The following A2M variants were observed in gnomAD, a reference collection of about 807,000 sequenced individuals.
The protein encoded by A2M is C3 and PZP-like alpha-2-macroglobulin domain-containing protein 5.
A2M carries 128 observed loss-of-function variants against 183.9 expected under a neutral mutation model. That is an observed-to-expected ratio of 0.70 (90% CI 0.60 to 0.81). A2M has a LOEUF of 0.81. Ranked by LOEUF, A2M falls within the 30% of genes least tolerant of loss-of-function variation. The pLI, the probability that A2M is intolerant of heterozygous loss-of-function variation, is 0.00. For synonymous variants in A2M, 592 were observed against 670.8 expected (o/e 0.88, Z 1.81); for missense variants, 1,495 against 1,787.6 (o/e 0.84, Z 2.95).
At chr12:9,079,150 C>G in intron 25 of A2M, 94 bp downstream of exon 25, 1 of 950,802 alleles carries the variant, frequency 1.1e-6, no homozygotes, top group Non-Finnish European at 1.6e-6. Context: ...TCTGATAATA[C>G]ATATCTGATA....
chr12:9,107,630 T>C lies in A2M; in HGVS notation c.773A>G (p.Lys258Arg). The C allele has an allele frequency of 6.2e-7, 1 of 1,613,956 alleles. No homozygotes were observed. Among genetic ancestry groups the C allele is most frequent in the South Asian group, 1.1e-5 (1 of 91,080 alleles). Residue 258 changes from lysine to arginine, a missense_variant, in exon 8 of 36, where the codon AAG (lysine) becomes AGG (arginine). Physicochemically the swap from Lys to Arg is conservative, Grantham distance 26. Transcript: ENST00000318602. ...VSVCGLYTYG[K>R]PVPGHVTVSI... ...CACAGTCACATGTCCAGGGACAGGC[T>C]TCCCATATGTGTATCTGTCATGAGA...
At chr12:9,083,394 AAAG>A (rs915961867) in intron 22 of A2M, among the ~76,000 whole-genome samples, 140 of 152,274 alleles carry the variant, frequency 9.2e-4, no homozygotes, top group African/African-American at 3.3e-3. Flanking sequence ...TATAAAAAAA[AAAG>A]AAATAGAAAC....
In A2M at chr12:9,072,386, G is replaced by A. The variant is rs374966730; in HGVS notation, c.4076C>T (p.Thr1359Ile). The change falls in exon 31 of 36, where the codon ACC (threonine) becomes ATC (isoleucine). Residue 1359 changes from threonine (T) to isoleucine (I), a missense_variant. Transcript: ENST00000318602. ...GACACTTAGGGAGATTTGGAAGCTG[G>A]TGTGGGCTTTGGGTTCATCACAAGT... ...PQTCDEPKAH[T>I]SFQISLSVSY... The A allele has an allele frequency of 1.1e-5, 17 of 1,613,952 alleles. No homozygotes were observed. The highest frequency in any genetic ancestry group is 4.0e-5 in the African/African-American group (3 of 75,042).
Position 9,112,502 on chromosome 12 carries a change from A to T in A2M, c.305T>A (p.Phe102Tyr), listed in dbSNP as rs756879310. The T allele has an allele frequency of 1.9e-6, 3 of 1,613,756 alleles. No individual in the cohort carries two copies. The highest frequency in any genetic ancestry group is 2.7e-5 in the African/African-American group (2 of 75,016). ...PKSSSNEEVM[F>Y]LTVQVKGPTQ... ...TGGTCCTTTCACTTGGACAGTGAGG[A>T]ACATTACCTCCTCATTGGATGAAGA... is the stretch of plus-strand genomic sequence containing the variant. The change falls in exon 3 of 36, where the codon TTC (phenylalanine) becomes TAC (tyrosine). Residue 102 changes from phenylalanine (F) to tyrosine (Y), a missense_variant. Physicochemically the swap from Phe to Tyr is conservative, Grantham distance 22 (BLOSUM62 3). Coordinates refer to ENST00000318602, the MANE Select transcript of A2M (RefSeq NM_000014.6).
chr12:9,079,657 T>A lies in A2M; in HGVS notation c.3013A>T (p.Ile1005Phe), dbSNP rs1317688257. ...CACTCACCAGTGTTGAGATAGCCAA[T>A]GGCCTTGGACTTGATCTCTGGAGTA... ...QLTPEIKSKA[I>F]GYLNTGYQRQ... Residue 1005 changes from isoleucine (I) to phenylalanine (F), a missense_variant, in exon 24 of 36, where the codon ATT becomes TTT. Physicochemically the swap from Ile to Phe is conservative, Grantham distance 21. Coordinates refer to ENST00000318602, the MANE Select transcript of A2M (RefSeq NM_000014.6). 1 of 1,613,350 alleles carries A rather than the reference T, an allele frequency of 6.2e-7. No homozygotes were observed. Among genetic ancestry groups the A allele is most frequent in the African/African-American group, 1.3e-5 (1 of 75,036 alleles).
chr12:9,077,325 G>A (rs371661602), intron 27 of A2M, 21 bp downstream of exon 27: 64 of 1,603,512 alleles, frequency 4.0e-5, no homozygotes, highest in Non-Finnish European at 5.0e-5. Context: ...TCCTTCAGCA[G>A]AGGAATGGGG....
intron 34 of A2M, 68 bp from the exon 35 acceptor site, chr12:9,068,292 G>C (rs1948456819): frequency 2.0e-6 from 3 of 1,516,950 alleles, no homozygotes; most frequent in Admixed American, 1.8e-5. Flanking sequence ...GCAAACATCT[G>C]TGGGATACAG....
At chr12:9,107,332 C>T (rs746066999) in intron 8 of A2M, among the ~76,000 whole-genome samples, 192 bp downstream of exon 8, 5 of 152,298 alleles carry the variant, frequency 3.3e-5, no homozygotes, top group African/African-American at 1.2e-4. Flanking sequence ...CTGAAACACT[C>T]ACAATGGGCA....
chr12:9,095,070 C>T lies in A2M; in HGVS notation c.2028G>A (p.Lys676=). Residue 676 remains lysine (K), a synonymous_variant, in exon 17 of 36, where the codon AAG becomes AAA. Transcript: ENST00000318602. ...MYSFLEDMGL[K]AFTNSKIRKP... ...TACGAATCTTTGAGTTGGTGAATGC[C>T]TTTAAGCCCATGTCCTGCAAAGAAA... 1 of 1,582,380 alleles carries T rather than the reference C, an allele frequency of 6.3e-7. No individual in the cohort carries two copies. Among genetic ancestry groups the T allele is most frequent in the South Asian group, 1.2e-5 (1 of 84,650 alleles).
intron 3 of A2M, 49 bp from the exon 4 acceptor site, chr12:9,112,260 T>C: frequency 6.2e-7 from 1 of 1,611,272 alleles, no homozygotes; most frequent in Non-Finnish European, 8.5e-7. Context: ...AGTAGGCCTG[T>C]AGGCTGGTAA....
chr12:9,094,236 A>G (rs769764568), intron 17 of A2M, among the ~76,000 whole-genome samples: 1 of 151,286 alleles, frequency 6.6e-6, no homozygotes, highest in Non-Finnish European at 1.5e-5. Flanking sequence ...TTTATTCTCT[A>G]TCGTGTCAGA....
chr12:9,112,308 C>T, intron 3 of A2M, 69 bp downstream of exon 3: 2 of 1,602,384 alleles, frequency 1.2e-6, no homozygotes, highest in African/African-American at 1.3e-5. Context: ...AGGAACTTTG[C>T]CTGGGGAACA....
intron 5 of A2M, 28 bp from the exon 6 acceptor site, chr12:9,110,063 C>G (rs775109631): frequency 1.3e-6 from 2 of 1,585,832 alleles, no homozygotes; most frequent in Non-Finnish European, 1.7e-6. Context: ...TTATAACTTA[C>G]AAAAGCACCT....
Position 9,076,875 on chromosome 12 carries a change from C to T in A2M, c.3413G>A (p.Gly1138Glu), listed in dbSNP as rs1433020524. 1.2e-6 allele frequency: 2 copies of T among 1,612,972 alleles called. No homozygotes were observed. Residue 1138 changes from glycine (G) to glutamate (E), a missense_variant, in exon 28 of 36, where the codon GGG (glycine) becomes GAG (glutamate). Coordinates refer to ENST00000318602, the MANE Select transcript of A2M (RefSeq NM_000014.6). Reference sequence around the variant, plus strand: ...GGTATATACATGGCTGCCATGGTCCCCTTCTTGTGCTGTCTTCCAGGCTGA... The same window carrying T: ...GGTATATACATGGCTGCCATGGTCCTCTTCTTGTGCTGTCTTCCAGGCTGA... ...LESAWKTAQEGDHGSHVYTKA... is the reference protein window; with the variant it reads ...LESAWKTAQEEDHGSHVYTKA...
intron 12 of A2M, 59 bp from the exon 13 acceptor site, chr12:9,101,266 A>C: frequency 6.7e-7 from 1 of 1,494,812 alleles, no homozygotes; most frequent in African/African-American, 1.4e-5. Flanking sequence ...CTTCAGTCTC[A>C]CTTCAATATA....
chr12:9,113,605 A>C, intron 1 of A2M, 62 bp from the exon 2 acceptor site: 1 of 1,461,326 alleles, frequency 6.8e-7, no homozygotes, highest in East Asian at 2.3e-5. Flanking sequence ...TATCAACAGC[A>C]CTTTTTTCCA....
intron 1 of A2M, 108 bp downstream of exon 1, chr12:9,115,651 AGAGAT>A: frequency 1.3e-6 from 1 of 767,462 alleles, no homozygotes; most frequent in East Asian, 2.6e-5. Context: ...AAGGAATCTT[AGAGAT>A]AAGAAGATGA....
chr12:9,095,576 G>T lies in A2M; in HGVS notation c.1976C>A (p.Ser659Ter). The change falls in exon 16 of 36, where the codon TCA (serine) becomes TAA (stop). Residue 659 changes from serine to a stop codon, truncating the protein, a stop_gained. Transcript: ENST00000318602. LOFTEE classifies it high-confidence loss of function. ...GTACATATCCTTTTCATTTGTACTT[G>T]ATACTGGAGTATATGTGATTCCATT... is the stretch of plus-strand genomic sequence containing the variant. ...YINGITYTPV[S>*]STNEKDMYSF... 1 of 1,612,146 alleles carries T rather than the reference G, an allele frequency of 6.2e-7. No homozygotes were observed. Among genetic ancestry groups the T allele is most frequent in the South Asian group, 1.1e-5 (1 of 90,990 alleles).
chr12:9,070,418 T>C (rs1408194589), intron 32 of A2M, 70 bp downstream of exon 32: 1 of 997,564 alleles, frequency 1.0e-6, no homozygotes, highest in Admixed American at 2.0e-5. Context: ...TTGATATTAG[T>C]ATTGTCTTAT....
Sources: gnomAD v4.1 joint callset for allele counts (sites outside exome capture counted in the v4.1 genomes callset) on GRCh38, gnomAD v4.1.1 for gene constraint, MANE v1.5 for transcripts, NCBI Gene and HGNC (gene_info 2026-07-23, HGNC 2026-07-21) for gene names.